MPPED2: variants seen among roughly 807,000 people sequenced by gnomAD.
MPPED2 encodes metallophosphoesterase domain containing 2, also known as metallophosphoesterase MPPED2.
In MPPED2, 5 loss-of-function variants were observed where a neutral mutation model predicts 33.0. The ratio of observed to expected loss-of-function variants is 0.15; its 90% confidence interval spans 0.08 to 0.32. The LOEUF is 0.32. MPPED2 is among the 10% of genes least tolerant of loss of function. The pLI, the probability that MPPED2 is intolerant of heterozygous loss-of-function variation, is 1.00. For missense variants in MPPED2, 275 were observed against 372.1 expected (o/e 0.74, Z 2.15); for synonymous variants, 136 against 141.9 (o/e 0.96, Z 0.29).
intron 4 of MPPED2, among the ~76,000 whole-genome samples, chr11:30,470,533 A>G (rs1950904251): frequency 6.6e-6 from 1 of 152,142 alleles, no homozygotes; most frequent in African/African-American, 2.4e-5. Flanking sequence ...CGTGGTAATG[A>G]CTGCCTAACT....
At chr11:30,440,135 G>A (rs913779791) in intron 4 of MPPED2, among the ~76,000 whole-genome samples, 3 of 152,082 alleles carry the variant, frequency 2.0e-5, no homozygotes, top group Non-Finnish European at 4.4e-5. Flanking sequence ...TTCAAGACCA[G>A]CCTGGCCAAC....
Position 30,410,735 on chromosome 11 carries a change from A to T in MPPED2, c.*733T>A. 1 of 984,166 alleles carries T rather than the reference A, an allele frequency of 1.0e-6. No individual in the cohort carries two copies. Among genetic ancestry groups the T allele is most frequent in the Non-Finnish European group, 1.2e-6 (1 of 828,376 alleles). 61.0% of individuals were successfully genotyped at this position (984,166 alleles called of 1,614,324 possible). ...TTATATATATAAACCCATATTGAAAAGGAGTCTGCATGTTCATTTTTTTAA... is the reference window on the plus strand; with the variant it reads ...TTATATATATAAACCCATATTGAAATGGAGTCTGCATGTTCATTTTTTTAA... On this transcript the variant is annotated 3_prime_UTR_variant, in exon 7 of 7. Coordinates refer to ENST00000358117, the MANE Select transcript of MPPED2 (RefSeq NM_001584.3).
exon 7 of MPPED2, chr11:30,386,663 AAATG>A (rs1947705827): frequency 2.5e-6 from 1 of 398,434 alleles, no homozygotes; most frequent in Admixed American, 4.4e-5. Context: ...GATCCCAAAT[AAATG>A]AATGAACAGA....
chr11:30,508,731 C>T (rs981138818), intron 3 of MPPED2, among the ~76,000 whole-genome samples: 2 of 152,152 alleles, frequency 1.3e-5, no homozygotes, highest in Non-Finnish European at 2.9e-5. Context: ...TCTATTATTG[C>T]CCACAGACAA....
At chr11:30,583,134 CTTTTTTTTTTTTTTTTT>C (rs199611856) in intron 1 of MPPED2, among the ~76,000 whole-genome samples, 14 of 96,704 alleles carry the variant, frequency 1.4e-4, no homozygotes, top group Non-Finnish European at 7.9e-5. Context: ...AAGACTTTTT[CTTTTTTTTTTTTTTTTT>C]TTTTTTTTTT....
At chr11:30,545,256 G>A (rs1056767758) in intron 2 of MPPED2, among the ~76,000 whole-genome samples, 6 of 152,112 alleles carry the variant, frequency 3.9e-5, no homozygotes, top group African/African-American at 1.4e-4. Flanking sequence ...CTTGAGGAAA[G>A]GTTGGTTTGT....
At chr11:30,546,602 A>C (rs780644245) in intron 2 of MPPED2, among the ~76,000 whole-genome samples, 17 of 152,182 alleles carry the variant, frequency 1.1e-4, no homozygotes, top group Non-Finnish European at 2.4e-4. Context: ...TGCATGGCTA[A>C]TGGGCCTTCT....
chr11:30,549,593 T>C (rs1332804535), intron 2 of MPPED2, among the ~76,000 whole-genome samples: 1 of 152,174 alleles, frequency 6.6e-6, no homozygotes. Context: ...AGAGCAATGA[T>C]GGATAAGATG....
chr11:30,453,117 A>G (rs1052182612), intron 4 of MPPED2, among the ~76,000 whole-genome samples: 11 of 152,264 alleles, frequency 7.2e-5, no homozygotes, highest in African/African-American at 1.9e-4. Context: ...AATATAAAAG[A>G]CTAATCTCTC....
chr11:30,566,883 T>C (rs534140647), intron 2 of MPPED2, among the ~76,000 whole-genome samples: 1 of 152,238 alleles, frequency 6.6e-6, no homozygotes, highest in South Asian at 2.1e-4. Flanking sequence ...GGAGTATGTA[T>C]AAGGGGACAC....
At chr11:30,464,044 A>T (rs2134016821) in intron 4 of MPPED2, among the ~76,000 whole-genome samples, 1 of 152,302 alleles carries the variant, frequency 6.6e-6, no homozygotes, top group South Asian at 2.1e-4. Flanking sequence ...CAAGTGTTCA[A>T]TATAAATTTG....
At chr11:30,528,276 G>T (rs1401059753) in intron 3 of MPPED2, among the ~76,000 whole-genome samples, 1 of 151,114 alleles carries the variant, frequency 6.6e-6, no homozygotes, top group Admixed American at 6.6e-5. Flanking sequence ...TTTTTTTTCA[G>T]ACGGAGTCTC....
rs16920900 is a variant in MPPED2 at position 30,542,282 on chromosome 11, T to A, written c.129-6107A>T. ...AACATCTTTGAAGTCATCAGTCAGA[T>A]ATGATGGTTTTACTTTTTTAATGTG... On this transcript the variant is annotated intron_variant, in intron 2 of 6. Coordinates refer to ENST00000358117, the MANE Select transcript of MPPED2 (RefSeq NM_001584.3). Among the ~76,000 whole-genome samples, 1,373 of 152,184 alleles carry A rather than the reference T, an allele frequency of 9.0e-3. 17 individuals carry two copies. The highest frequency in any genetic ancestry group is 0.032 in the African/African-American group (1,320 of 41,520).
In MPPED2 at chr11:30,414,208, T is replaced by C; in HGVS notation, c.766+20A>G. The C allele has an allele frequency of 3.8e-6, 6 of 1,561,618 alleles. No homozygotes were observed. Among genetic ancestry groups the C allele is most frequent in the Non-Finnish European group, 5.3e-6 (6 of 1,132,204 alleles). On this transcript the variant is annotated intron_variant, in intron 6 of 6. Coordinates refer to ENST00000358117, the MANE Select transcript of MPPED2 (RefSeq NM_001584.3). Reference sequence around the variant, plus strand: ...GGACAGGGGCACAAAATGTTTTGAATTCTTTTCCGCTGTTCTTACCTTCAT... The same window carrying C: ...GGACAGGGGCACAAAATGTTTTGAACTCTTTTCCGCTGTTCTTACCTTCAT...
chr11:30,414,733 T>C (rs1948266144), intron 5 of MPPED2, among the ~76,000 whole-genome samples: 1 of 152,198 alleles, frequency 6.6e-6, no homozygotes, highest in Non-Finnish European at 1.5e-5. Context: ...AGTTTACTTC[T>C]AAGATGATTC....
chr11:30,386,598 C>G (rs1947704961), exon 7 of MPPED2: 3 of 397,258 alleles, frequency 7.6e-6, no homozygotes, highest in East Asian at 3.6e-5. Flanking sequence ...TAACACATGA[C>G]TGTTTTCCCA....
chr11:30,470,420 G>C (rs1950899375), intron 4 of MPPED2, among the ~76,000 whole-genome samples: 1 of 152,154 alleles, frequency 6.6e-6, no homozygotes, highest in Non-Finnish European at 1.5e-5. Context: ...TCTGGAGACA[G>C]GGGGTAGAGG....
intron 3 of MPPED2, among the ~76,000 whole-genome samples, chr11:30,514,986 TC>T: frequency 6.6e-6 from 1 of 152,248 alleles, no homozygotes; most frequent in East Asian, 1.9e-4. Context: ...CCCCAGCTAC[TC>T]AGGGGGCTGA....
At chr11:30,416,424 A>C (rs1948361631) in intron 5 of MPPED2, among the ~76,000 whole-genome samples, 1 of 152,234 alleles carries the variant, frequency 6.6e-6, no homozygotes, top group South Asian at 2.1e-4. Flanking sequence ...TTAAACTTGC[A>C]TTAGGAAATG....
Sources: allele counts gnomAD v4.1 joint callset (sites outside exome capture counted in the v4.1 genomes callset), GRCh38; gene constraint gnomAD v4.1.1; transcripts MANE v1.5; gene names NCBI Gene and HGNC (gene_info 2026-07-23, HGNC 2026-07-21).